Variants in FALEC observed in about 807,000 individuals in gnomAD.
The protein encoded by FALEC is focally amplified lncRNA regulator of ECM1, also known as focally amplified lncRNA on chromosome 1.
chr1:150,529,041 C>CAAAAAAAAAAAAAAAAAAAAAAAA, the FALEC span, among the ~76,000 whole-genome samples: 14 of 58,670 alleles, frequency 2.4e-4, no homozygotes, highest in Non-Finnish European at 2.2e-4. Context: ...AAAAAAAAAT[C>CAAAAAAAAAAAAAAAAAAAAAAAA]AAAGGATCTA....
At chr1:150,529,606 T>C in the FALEC span, among the ~76,000 whole-genome samples, 1 of 152,002 alleles carries the variant, frequency 6.6e-6, no homozygotes, top group South Asian at 2.1e-4. Flanking sequence ...TGTGATTTTT[T>C]TTTTTTTTTG....
chr1:150,520,962 T>C (rs909378179), downstream of FALEC, among the ~76,000 whole-genome samples: 4 of 151,878 alleles, frequency 2.6e-5, no homozygotes, highest in Admixed American at 2.6e-4. Flanking sequence ...CCAATACGCC[T>C]GGCTAATTCT....
At chr1:150,526,427 G>A in the FALEC span, among the ~76,000 whole-genome samples, 2 of 150,942 alleles carry the variant, frequency 1.3e-5, no homozygotes, top group Admixed American at 1.3e-4. Flanking sequence ...TCAAACTCCT[G>A]GGCTCAAGTG....
the FALEC span, among the ~76,000 whole-genome samples, chr1:150,528,894 T>G: frequency 6.6e-6 from 1 of 151,672 alleles, no homozygotes; most frequent in East Asian, 1.9e-4. Context: ...GCACTTGTAA[T>G]TATTAATATT....
chr1:150,532,629 C>T, the FALEC span, among the ~76,000 whole-genome samples: 1 of 152,134 alleles, frequency 6.6e-6, no homozygotes, highest in South Asian at 2.1e-4. Context: ...TATCTCACCT[C>T]CACTATGATC....
chr1:150,526,439 TCCAC>T, the FALEC span, among the ~76,000 whole-genome samples: 4 of 151,520 alleles, frequency 2.6e-5, no homozygotes, highest in Non-Finnish European at 5.9e-5. Flanking sequence ...GCTCAAGTGA[TCCAC>T]CCACCTCATC....
At chr1:150,525,123 C>T in the FALEC span, among the ~76,000 whole-genome samples, 14 of 151,964 alleles carry the variant, frequency 9.2e-5, no homozygotes, top group African/African-American at 3.4e-4. Flanking sequence ...GGTGAAACCC[C>T]ATCTCTGCTA....
intron 1 of FALEC, among the ~76,000 whole-genome samples, chr1:150,516,925 A>G (rs1670576862): frequency 6.6e-6 from 1 of 152,216 alleles, no homozygotes. Flanking sequence ...AAATATTCTC[A>G]GAATTCTGAG....
At chr1:150,522,970 TATATATATATA>T (rs1429338234), downstream of FALEC, among the ~76,000 whole-genome samples, 25 of 50,160 alleles carry the variant, frequency 5.0e-4, 3 homozygotes, top group Admixed American at 1.2e-3. Flanking sequence ...TATATATATA[TATATATATATA>T]TATTTTTTTT....
At chr1:150,522,981 A>ATTT (rs1560270906), downstream of FALEC, among the ~76,000 whole-genome samples, 5 of 21,444 alleles carry the variant, frequency 2.3e-4, no homozygotes, top group Non-Finnish European at 3.1e-4. Context: ...ATATATATAT[A>ATTT]TATTTTTTTT....
chr1:150,526,622 C>A, the FALEC span, among the ~76,000 whole-genome samples: 2 of 151,020 alleles, frequency 1.3e-5, no homozygotes, highest in East Asian at 3.9e-4. Flanking sequence ...ATTTTTATTT[C>A]TATTTTTATA....
At chr1:150,520,783 C>CTTTTTT (rs71086518), downstream of FALEC, among the ~76,000 whole-genome samples, 921 of 42,868 alleles carry the variant, frequency 0.021, 97 homozygotes, top group Admixed American at 0.03. Context: ...CTTTTCTTTT[C>CTTTTTT]TTTTTTTTTT....
the FALEC span, among the ~76,000 whole-genome samples, chr1:150,535,264 G>A: frequency 6.6e-6 from 1 of 151,804 alleles, no homozygotes; most frequent in South Asian, 2.1e-4. Flanking sequence ...TTCTTTTTGA[G>A]ACCGAGTCTC....
chr1:150,524,763 C>T, the FALEC span, among the ~76,000 whole-genome samples: 1 of 152,138 alleles, frequency 6.6e-6, no homozygotes, highest in Non-Finnish European at 1.5e-5. Context: ...CCTGTAATCC[C>T]AGCTCTTTGG....
the FALEC span, among the ~76,000 whole-genome samples, chr1:150,532,259 C>T: frequency 6.6e-6 from 1 of 152,060 alleles, no homozygotes; most frequent in Non-Finnish European, 1.5e-5. Flanking sequence ...GACCCAGGAA[C>T]GAAAGCGCAG....
At chr1:150,522,860 T>C (rs12132251), downstream of FALEC, among the ~76,000 whole-genome samples, 2 of 117,348 alleles carry the variant, frequency 1.7e-5, no homozygotes, top group South Asian at 2.4e-4. Flanking sequence ...TCTATATATA[T>C]ATATACGTAT....
chr1:150,523,679 G>T, the FALEC span, among the ~76,000 whole-genome samples: 131 of 151,458 alleles, frequency 8.6e-4, no homozygotes, highest in African/African-American at 3.0e-3. Flanking sequence ...AATTACATGT[G>T]TGGCTTACAT....
chr1:150,515,779 G>A (rs187728599), exon 1 of FALEC: 1 of 152,402 alleles, frequency 6.6e-6, no homozygotes, highest in Non-Finnish European at 1.5e-5. Context: ...CGGCCTCCAG[G>A]ACAGAGGAAC....
the FALEC span, among the ~76,000 whole-genome samples, chr1:150,529,032 A>AAAAAAAAAAAAAAAAAAAAAG: frequency 6.6e-6 from 1 of 151,106 alleles, no homozygotes; most frequent in Non-Finnish European, 1.5e-5. Flanking sequence ...AAAAAAAAAA[A>AAAAAAAAAAAAAAAAAAAAAG]AAAAAAATCA....
Sources: gnomAD v4.1 joint callset for allele counts (sites outside exome capture counted in the v4.1 genomes callset) on GRCh38, gnomAD v4.1.1 for gene constraint, MANE v1.5 for transcripts, NCBI Gene and HGNC (gene_info 2026-07-23, HGNC 2026-07-21) for gene names.